ZNF540: variants seen among roughly 807,000 people sequenced by gnomAD.
The protein encoded by ZNF540 is CTD-3064H18.6.
In ZNF540, 3 loss-of-function variants were observed where a neutral mutation model predicts 11.8. The ratio of observed to expected loss-of-function variants is 0.25; its 90% CI spans 0.12 to 0.65. ZNF540 has a LOEUF of 0.65. ZNF540 is among the 30% of genes least tolerant of loss of function. The probability of loss-of-function intolerance (pLI) is 0.83; values close to 1 mark genes in which losing one functional copy is unlikely to be tolerated. For missense variants in ZNF540, 709 were observed against 793.1 expected (o/e 0.89, Z 1.27); for synonymous variants, 247 against 259.0 (o/e 0.95, Z 0.45).
chr19:37,584,091 C>A lies in ZNF540; in HGVS notation c.-72-14285C>A, dbSNP rs542781735. 6 of 1,614,008 alleles carry A rather than the reference C, an allele frequency of 3.7e-6. No homozygotes were observed. In the Admixed American group the frequency reaches 8.3e-5, roughly 22 times the overall value. ...TCAATGGCCACATCCCTGAAAGTCA[C>A]CAACAACTGAAACAACAAATCCATT... On this transcript the variant is annotated intron_variant, in intron 1 of 4. Coordinates refer to the ZNF540 transcript ENST00000592533.
rs201200809 is a variant in ZNF540 at position 37,612,376 on chromosome 19, C to A, written c.1096C>A (p.Leu366Ile). 1.2e-6 allele frequency: 2 copies of A among 1,613,292 alleles called. No individual in the cohort carries two copies. The change falls in exon 5 of 5, where the codon CTT becomes ATT. Residue 366 changes from leucine (L) to isoleucine (I), a missense_variant. By Grantham distance (5) the Leu-to-Ile change is conservative. Transcript: ENST00000316433. The stretch of plus-strand genomic sequence containing the variant: ...TAAGGAATGTGGAAAGACCTTTAGA[C>A]TTAGTTTTTACCTTACTGAACACAG... Reference protein sequence around the residue: ...ECKECGKTFRLSFYLTEHRRT... With the variant: ...ECKECGKTFRISFYLTEHRRT...
At chr19:37,564,564 G>T in intron 1 of ZNF540, 1 of 1,454,060 alleles carries the variant, frequency 6.9e-7, no homozygotes. Flanking sequence ...AATAGATGAA[G>T]ATTTTCTTAA....
chr19:37,596,428 G>A (rs2147223275), intron 1 of ZNF540, among the ~76,000 whole-genome samples: 1 of 152,232 alleles, frequency 6.6e-6, no homozygotes, highest in Middle Eastern at 3.4e-3. Context: ...GGCCCACAAA[G>A]CCTGAAATAT....
At chr19:37,552,362 A>G (rs779494355) in intron 1 of ZNF540, among the ~76,000 whole-genome samples, 17 of 152,206 alleles carry the variant, frequency 1.1e-4, no homozygotes, top group African/African-American at 3.1e-4. Context: ...GGACTAGTCT[A>G]TAAGTATCAA....
At chr19:37,597,086 A>G (rs575287648) in intron 1 of ZNF540, among the ~76,000 whole-genome samples, 1 of 152,306 alleles carries the variant, frequency 6.6e-6, no homozygotes, top group South Asian at 2.1e-4. Flanking sequence ...CTGATGTTGA[A>G]GTGGAGATAA....
chr19:37,592,354 G>A (rs978319965), upstream of ZNF540, among the ~76,000 whole-genome samples: 1 of 152,110 alleles, frequency 6.6e-6, no homozygotes, highest in Non-Finnish European at 1.5e-5. Context: ...CATATCCCTA[G>A]GAACCTTTTT....
At chr19:37,575,626 T>C (rs2043216393) in intron 1 of ZNF540, 1 of 152,214 alleles carries the variant, frequency 6.6e-6, no homozygotes, top group Non-Finnish European at 1.5e-5. Context: ...GGTTCTTACT[T>C]CAGGGTCACG....
intron 1 of ZNF540, chr19:37,563,912 A>G (rs2042762143): frequency 6.6e-6 from 1 of 152,148 alleles, no homozygotes; most frequent in African/African-American, 2.4e-5. Flanking sequence ...CCCTTAAAGT[A>G]ACAATCAGAA....
At chr19:37,580,471 T>A (rs1281831560) in intron 1 of ZNF540, among the ~76,000 whole-genome samples, 1 of 152,250 alleles carries the variant, frequency 6.6e-6, no homozygotes, top group East Asian at 1.9e-4. Context: ...GCCATGACAA[T>A]AACTACACTG....
intron 1 of ZNF540, among the ~76,000 whole-genome samples, chr19:37,582,805 G>A (rs2043519050): frequency 6.6e-6 from 1 of 152,030 alleles, no homozygotes; most frequent in Non-Finnish European, 1.5e-5. Context: ...CCAATTCCAA[G>A]CCACTGTTAT....
At chr19:37,583,825 A>C (rs1248352105) in intron 1 of ZNF540, 3 of 740,258 alleles carry the variant, frequency 4.1e-6, no homozygotes, top group Non-Finnish European at 6.6e-6. Flanking sequence ...AAAGGATAAG[A>C]GATAAAAAGG....
intron 1 of ZNF540, chr19:37,564,442 G>C: frequency 1.9e-6 from 1 of 538,156 alleles, no homozygotes; most frequent in Non-Finnish European, 3.0e-6. Flanking sequence ...AGATGTTAAG[G>C]AATTATTTAA....
intron 1 of ZNF540, among the ~76,000 whole-genome samples, chr19:37,559,635 T>C (rs1335605922): frequency 6.6e-6 from 1 of 152,214 alleles, no homozygotes; most frequent in African/African-American, 2.4e-5. Flanking sequence ...GGTTGACTTA[T>C]CTGTTCAAGA....
At chr19:37,598,270 T>G (rs1600556044) in intron 1 of ZNF540, 106 bp from the exon 2 acceptor site, 3 of 613,098 alleles carry the variant, frequency 4.9e-6, no homozygotes, top group Non-Finnish European at 8.7e-6. Context: ...GTAGGGGAGG[T>G]ATTTGCAAGC....
rs1464747430 is a variant in ZNF540 at position 37,613,073 on chromosome 19, AAAGAATTCATACT to A, written c.1794_1806del (p.Arg599ValfsTer57). 6.2e-7 allele frequency: 1 copy of A among 1,614,066 alleles called. No individual in the cohort carries two copies. Among genetic ancestry groups the A allele is most frequent in the Non-Finnish European group, 8.5e-7 (1 of 1,179,966 alleles). On this transcript the variant is annotated frameshift_variant, in exon 5 of 5. Coordinates refer to ENST00000316433, the MANE Select transcript of ZNF540 (RefSeq NM_001172225.3). LOFTEE classifies it low-confidence loss of function (END_TRUNC). The stretch of plus-strand genomic sequence containing the variant: ...CGTAGTGTAGACCTTAGAATACATC[AAAGAATTCATACT>A]GGTGAGAAACCCTATGAGTGTAAAC...
At chr19:37,567,938 G>A (rs1033162835) in intron 1 of ZNF540, among the ~76,000 whole-genome samples, 2 of 152,084 alleles carry the variant, frequency 1.3e-5, no homozygotes, top group Admixed American at 6.5e-5. Flanking sequence ...CTTTAATATA[G>A]TTTTTCATGT....
Position 37,598,763 on chromosome 19 carries a change from A to T in ZNF540, c.9+307A>T, listed in dbSNP as rs77478252. ...ACCAAGAATGGAATCATTTGACTAC[A>T]CGTAGGAAAGCACTGCAGTTTTCCA... On this transcript the variant is annotated intron_variant, in intron 2 of 4. Transcript: ENST00000316433. 4.3e-3 allele frequency among the ~76,000 whole-genome samples: 651 copies of T among 152,216 alleles called. 7 individuals are homozygous for T. Among genetic ancestry groups the T allele is most frequent in the African/African-American group, 0.015 (603 of 41,526 alleles).
intron 1 of ZNF540, chr19:37,575,645 A>T (rs2043217162): frequency 6.6e-6 from 1 of 152,168 alleles, no homozygotes; most frequent in Admixed American, 6.5e-5. Flanking sequence ...CGGACTTAAG[A>T]TTGCCCATTC....
upstream of ZNF540, among the ~76,000 whole-genome samples, chr19:37,589,837 C>T (rs148400672): frequency 6.5e-4 from 73 of 111,772 alleles, no homozygotes; most frequent in Middle Eastern, 9.1e-3. Context: ...TGCACTCCAG[C>T]CTGGGCAACA....
Sources: gnomAD v4.1 joint callset for allele counts (sites outside exome capture counted in the v4.1 genomes callset) on GRCh38, gnomAD v4.1.1 for gene constraint, MANE v1.5 for transcripts, NCBI Gene and HGNC (gene_info 2026-07-23, HGNC 2026-07-21) for gene names.